PCDHA13: variants seen among roughly 807,000 people sequenced by gnomAD.
The protein encoded by PCDHA13 is protocadherin alpha-13.
PCDHA13 carries 54 observed loss-of-function variants against 64.8 expected under a neutral mutation model. That is an observed-to-expected ratio of 0.83 (90% CI 0.67 to 1.04). The LOEUF (loss-of-function observed/expected upper bound fraction) is 1.04, where lower values mean the gene tolerates loss of function less well. PCDHA13 is among the 50% of genes least tolerant of loss of function. The pLI is 0.00. For missense variants in PCDHA13, 1,248 were observed against 1,254.3 expected, an observed-to-expected ratio of 0.99 and a Z score of 0.08; for synonymous variants, 587 against 564.4, an observed-to-expected ratio of 1.04 and a Z score of -0.57.
chr5:141,006,636 A>G (rs1322633928), intron 3 of PCDHA13, among the ~76,000 whole-genome samples: 3 of 152,210 alleles, frequency 2.0e-5, no homozygotes, highest in African/African-American at 7.2e-5. Context: ...TGCAATTCAT[A>G]TAAGAGATGA....
At chr5:140,917,587 C>T (rs2078270380) in intron 1 of PCDHA13, among the ~76,000 whole-genome samples, 1 of 152,164 alleles carries the variant, frequency 6.6e-6, no homozygotes, top group Non-Finnish European at 1.5e-5. Context: ...TTTGTTCATG[C>T]TGAAAGGAAG....
chr5:140,899,717 C>T (rs2153464993), intron 1 of PCDHA13, among the ~76,000 whole-genome samples: 1 of 152,322 alleles, frequency 6.6e-6, no homozygotes, highest in South Asian at 2.1e-4. Context: ...GGAGGATTCC[C>T]TCTTTTTCTA....
chr5:140,915,626 GTCTCTCTCTCTC>G (rs57920489), intron 1 of PCDHA13, among the ~76,000 whole-genome samples: 39 of 146,434 alleles, frequency 2.7e-4, no homozygotes, highest in African/African-American at 9.6e-4. Context: ...GTCTCTTTCT[GTCTCTCTCTCTC>G]TCTCTCTCTC....
chr5:140,884,383 C>T lies in PCDHA13; in HGVS notation c.2115C>T (p.Cys705=), dbSNP rs185410866. The T allele has an allele frequency of 5.2e-5, 84 of 1,613,994 alleles. No homozygotes were observed. In the Admixed American group the frequency reaches 1.4e-3, roughly 27 times the overall value. ...DVNVYLIIAI[C]AVSSLLVLTL... is the part of the protein sequence containing the mutation. ...ATGTTTACTTGATCATTGCCATCTG[C>T]GCGGTGTCCAGCCTGTTGGTGCTCA... The change falls in exon 1 of 4, where the codon TGC becomes TGT. Residue 705 remains cysteine (C), a synonymous_variant. Transcript: ENST00000289272.
chr5:140,923,189 C>A (rs1452451112), intron 1 of PCDHA13, among the ~76,000 whole-genome samples: 1 of 152,210 alleles, frequency 6.6e-6, no homozygotes, highest in African/African-American at 2.4e-5. Flanking sequence ...GCATCTACTG[C>A]AGCAATTTGG....
At chr5:140,962,220 T>A (rs1174731292) in intron 1 of PCDHA13, among the ~76,000 whole-genome samples, 2 of 152,186 alleles carry the variant, frequency 1.3e-5, no homozygotes, top group African/African-American at 4.8e-5. Flanking sequence ...GATCTTGAGG[T>A]TCAAGTTTCA....
At chr5:140,893,119 C>T (rs2063831505) in intron 1 of PCDHA13, among the ~76,000 whole-genome samples, 1 of 152,174 alleles carries the variant, frequency 6.6e-6, no homozygotes, top group Admixed American at 6.5e-5. Context: ...TGTGCATATA[C>T]ACCACATTTT....
chr5:140,949,636 T>A (rs1047386786), intron 1 of PCDHA13, among the ~76,000 whole-genome samples: 1 of 151,898 alleles, frequency 6.6e-6, no homozygotes, highest in Admixed American at 6.6e-5. Context: ...GGCATATTGC[T>A]TTTTGTTCAT....
chr5:140,997,866 TG>T (rs1554256038), intron 3 of PCDHA13, among the ~76,000 whole-genome samples: 1 of 152,216 alleles, frequency 6.6e-6, no homozygotes, highest in African/African-American at 2.4e-5. Context: ...TTCTTATGCA[TG>T]CTTGCTAGTA....
Position 140,882,651 on chromosome 5 carries a change from A to T in PCDHA13, c.383A>T (p.Asp128Val). 1 of 1,614,206 alleles carries T rather than the reference A, an allele frequency of 6.2e-7. No individual in the cohort carries two copies. Among genetic ancestry groups the T allele is most frequent in the Non-Finnish European group, 8.5e-7 (1 of 1,180,042 alleles). The stretch of plus-strand genomic sequence containing the variant: ...GAGGTGAAGGTGAGGGACATTAACG[A>T]CAACCCGCCCATATTCCCTGAAAGC... Reference protein sequence around the residue: ...HVEVKVRDINDNPPIFPESKK... With the variant: ...HVEVKVRDINVNPPIFPESKK... Residue 128 changes from aspartate (D) to valine (V), a missense_variant, in exon 1 of 4, where the codon GAC becomes GTC. Coordinates refer to ENST00000289272, the MANE Select transcript of PCDHA13 (RefSeq NM_018904.3).
chr5:140,967,030 C>T, intron 1 of PCDHA13: 1 of 1,609,320 alleles, frequency 6.2e-7, no homozygotes, highest in Non-Finnish European at 8.5e-7. Flanking sequence ...CCAGTCCGCG[C>T]TACCTGGAGC....
chr5:140,981,698 A>C (rs1414640370), intron 2 of PCDHA13, among the ~76,000 whole-genome samples: 1 of 151,174 alleles, frequency 6.6e-6, no homozygotes, highest in Non-Finnish European at 1.5e-5. Context: ...TCATTCATTC[A>C]TTCATTCATT....
intron 1 of PCDHA13, among the ~76,000 whole-genome samples, chr5:140,972,686 AT>A (rs2096549556): frequency 8.3e-6 from 1 of 120,944 alleles, no homozygotes; most frequent in African/African-American, 3.2e-5. Context: ...TTTTTTTGAG[AT>A]GGAGTCTCAC....
intron 1 of PCDHA13, chr5:140,969,231 C>A (rs782084659): frequency 6.2e-7 from 1 of 1,614,110 alleles, no homozygotes; most frequent in Non-Finnish European, 8.5e-7. Context: ...CCTTCGGGAG[C>A]CCAAGCAGCA....
intron 1 of PCDHA13, among the ~76,000 whole-genome samples, chr5:140,924,534 C>G (rs1488047727): frequency 1.3e-5 from 2 of 152,134 alleles, no homozygotes; most frequent in African/African-American, 2.4e-5. Context: ...AATGCCCGAG[C>G]TACCCCTCTC....
intron 1 of PCDHA13, among the ~76,000 whole-genome samples, chr5:140,915,075 A>G (rs111889109): frequency 6.6e-6 from 1 of 151,436 alleles, no homozygotes; most frequent in South Asian, 2.1e-4. Context: ...CCTACTGAGT[A>G]GCTGGGACTA....
chr5:140,950,708 T>A (rs1554219597), intron 1 of PCDHA13, among the ~76,000 whole-genome samples: 1 of 152,068 alleles, frequency 6.6e-6, no homozygotes, highest in East Asian at 1.9e-4. Context: ...AAATTTTTGT[T>A]CCTTATATCC....
intron 1 of PCDHA13, chr5:140,929,409 T>G: frequency 6.6e-7 from 1 of 1,506,206 alleles, no homozygotes; most frequent in Non-Finnish European, 8.9e-7. Context: ...GACAAGCCTT[T>G]CACAACATTT....
chr5:140,899,019 G>A (rs2067099712), intron 1 of PCDHA13, among the ~76,000 whole-genome samples: 1 of 151,834 alleles, frequency 6.6e-6, no homozygotes, highest in African/African-American at 2.4e-5. Flanking sequence ...AAGAATGCTT[G>A]TGATTTTTGT....
Sources: allele counts gnomAD v4.1 joint callset (sites outside exome capture counted in the v4.1 genomes callset), GRCh38; gene constraint gnomAD v4.1.1; transcripts MANE v1.5; gene names NCBI Gene and HGNC (gene_info 2026-07-23, HGNC 2026-07-21).